The following LINGO1 variants were observed in gnomAD, a reference collection of about 807,000 sequenced individuals.
LINGO1 encodes the protein leucine rich repeat and Ig domain containing 1, also known as leucine-rich repeat and immunoglobulin-like domain-containing nogo receptor-interacting protein 1.
A neutral mutation model predicts 37.3 loss-of-function variants in LINGO1; 11 were observed. That is an observed-to-expected ratio of 0.29 (90% CI 0.19 to 0.49). LINGO1 has a LOEUF of 0.49. Among genes scored for constraint, LINGO1 ranks in the 20% least tolerant of loss-of-function variants. The pLI is 0.99. For missense variants in LINGO1, 585 were observed against 878.2 expected (o/e 0.67, Z 4.22); for synonymous variants, 387 against 403.0 (o/e 0.96, Z 0.48).
At chr15:77,742,507 G>C (rs2076274389) in intron 1 of LINGO1, among the ~76,000 whole-genome samples, 1 of 152,228 alleles carries the variant, frequency 6.6e-6, no homozygotes, top group African/African-American at 2.4e-5. Context: ...AAGGCACACA[G>C]CCAGCACCTG....
In LINGO1 at chr15:77,657,768, G is replaced by A. The variant is rs191527926; in HGVS notation, c.-13+19321C>T. Reference sequence around the variant, plus strand: ...TTAGGGGGGCAGGGAGTAGAGATTCGGGAACAGATGGACTTGGAGGCTCCG... The same window carrying A: ...TTAGGGGGGCAGGGAGTAGAGATTCAGGAACAGATGGACTTGGAGGCTCCG... On this transcript the variant is annotated intron_variant, in intron 3 of 3. Transcript: ENST00000559893. Among the ~76,000 whole-genome samples, 390 of 152,274 alleles carry A rather than the reference G, an allele frequency of 2.6e-3. 4 individuals carry two copies. The highest frequency in any genetic ancestry group is 8.8e-3 in the African/African-American group (364 of 41,566).
intron 2 of LINGO1, among the ~76,000 whole-genome samples, chr15:77,716,051 C>CAGCT (rs1438919043): frequency 1.3e-5 from 2 of 152,212 alleles, no homozygotes; most frequent in Non-Finnish European, 2.9e-5. Flanking sequence ...AACAGGCGAC[C>CAGCT]AGCTCATTCA....
chr15:77,629,616 T>C (rs2074194233), intron 1 of LINGO1, among the ~76,000 whole-genome samples: 1 of 152,172 alleles, frequency 6.6e-6, no homozygotes, highest in African/African-American at 2.4e-5. Flanking sequence ...TTTGACATCA[T>C]CTAGCTCTGT....
At chr15:77,722,824 T>C (rs2076063759) in intron 2 of LINGO1, among the ~76,000 whole-genome samples, 1 of 152,110 alleles carries the variant, frequency 6.6e-6, no homozygotes, top group African/African-American at 2.4e-5. Flanking sequence ...TTGAGAACCA[T>C]CACAAGGGCA....
At chr15:77,806,941 C>A (rs2076965013) in intron 1 of LINGO1, among the ~76,000 whole-genome samples, 1 of 152,120 alleles carries the variant, frequency 6.6e-6, no homozygotes, top group Non-Finnish European at 1.5e-5. Context: ...TTCCAGGGCT[C>A]CCCGTTACCT....
At chr15:77,711,884 G>GA (rs374448190) in intron 2 of LINGO1, among the ~76,000 whole-genome samples, 2 of 70,378 alleles carry the variant, frequency 2.8e-5, no homozygotes, top group South Asian at 7.4e-4. Context: ...TCTCCTCTGA[G>GA]GGGGGGGCAC....
chr15:77,710,136 A>AG lies in LINGO1; in HGVS notation c.-194-19236dup, dbSNP rs1362333684. Among the ~76,000 whole-genome samples, 8 of 152,276 alleles carry AG rather than the reference A, an allele frequency of 5.3e-5. No individual in the cohort carries two copies. The South Asian group carries it at 1.5e-3, about 28-fold the overall frequency. The stretch of plus-strand genomic sequence containing the variant: ...GCTCCTTCCAGGCCTCTGGAACCCC[A>AG]GGGGGGCAGGGGCTGCCGTGGGCTG... On this transcript the variant is annotated intron_variant, in intron 2 of 3. Coordinates refer to the LINGO1 transcript ENST00000561686.
chr15:77,751,912 CCT>C (rs1018633700), intron 1 of LINGO1, among the ~76,000 whole-genome samples: 28 of 152,218 alleles, frequency 1.8e-4, no homozygotes, highest in Non-Finnish European at 2.4e-4. Flanking sequence ...CCAAGTCCCC[CCT>C]GTGTGCCAGG....
At chr15:77,790,695 C>T (rs563836054), upstream of LINGO1, among the ~76,000 whole-genome samples, 7 of 152,296 alleles carry the variant, frequency 4.6e-5, no homozygotes, top group South Asian at 1.2e-3. Context: ...CTGGGCCCCC[C>T]GCTGGGTTTG....
chr15:77,617,069 T>C (rs1321528355), intron 1 of LINGO1, among the ~76,000 whole-genome samples: 1 of 152,068 alleles, frequency 6.6e-6, no homozygotes, highest in Admixed American at 6.5e-5. Flanking sequence ...CACCGAGGCT[T>C]GTTCAAGCTG....
chr15:77,701,726 C>G (rs1378929371), intron 2 of LINGO1, among the ~76,000 whole-genome samples: 5 of 152,194 alleles, frequency 3.3e-5, no homozygotes, highest in African/African-American at 1.2e-4. Context: ...CCCTCACTTC[C>G]TTTCTCTTGT....
chr15:77,701,330 C>CTGAGGAGA (rs367978929), upstream of LINGO1, among the ~76,000 whole-genome samples: 1 of 152,118 alleles, frequency 6.6e-6, no homozygotes, highest in Non-Finnish European at 1.5e-5. Flanking sequence ...GTCTGGCAGC[C>CTGAGGAGA]TGAGGAGATG....
At chr15:77,632,957 G>A (rs146390292), upstream of LINGO1, among the ~76,000 whole-genome samples, 1 of 151,000 alleles carries the variant, frequency 6.6e-6, no homozygotes, top group South Asian at 2.1e-4. This position sits in a 1 kb window ranked among gnomAD's most constrained non-coding sequence, Gnocchi z 6.0. Flanking sequence ...AGGAGGGAGC[G>A]AGTGAGCCGC....
chr15:77,749,166 C>T (rs972265017), intron 1 of LINGO1, among the ~76,000 whole-genome samples: 5 of 152,152 alleles, frequency 3.3e-5, no homozygotes, highest in Non-Finnish European at 7.4e-5. Context: ...CCTCGGCCTC[C>T]CAAAGTGCTG....
chr15:77,617,346 A>C (rs1400202348), intron 1 of LINGO1, among the ~76,000 whole-genome samples: 1 of 151,720 alleles, frequency 6.6e-6, no homozygotes, highest in African/African-American at 2.4e-5. Flanking sequence ...GGGGGAGGGT[A>C]GGTCAGACCC....
At chr15:77,774,212 G>C (rs1376572962) in intron 1 of LINGO1, among the ~76,000 whole-genome samples, 3 of 152,064 alleles carry the variant, frequency 2.0e-5, no homozygotes, top group African/African-American at 7.3e-5. Flanking sequence ...AGTTAACTCA[G>C]ATCCACAGGT....
chr15:77,731,214 A>T (rs2076152054), intron 2 of LINGO1, among the ~76,000 whole-genome samples: 1 of 152,156 alleles, frequency 6.6e-6, no homozygotes, highest in Admixed American at 6.5e-5. Context: ...CCCAGACACC[A>T]GGCTCCAATG....
intron 1 of LINGO1, among the ~76,000 whole-genome samples, chr15:77,692,609 T>C (rs1229620318): frequency 1.3e-5 from 2 of 152,180 alleles, no homozygotes; most frequent in Non-Finnish European, 2.9e-5. Flanking sequence ...GTAATACACC[T>C]CCCAGCAGCA....
intron 1 of LINGO1, among the ~76,000 whole-genome samples, chr15:77,736,173 A>T (rs1379737381): frequency 6.6e-6 from 1 of 152,236 alleles, no homozygotes; most frequent in East Asian, 1.9e-4. Flanking sequence ...GCATTTGTAC[A>T]CATGTGCAAA....
Sources: allele counts gnomAD v4.1 joint callset (sites outside exome capture counted in the v4.1 genomes callset), GRCh38; gene constraint gnomAD v4.1.1; non-coding constraint Gnocchi (gnomAD v3.1); transcripts MANE v1.5; gene names NCBI Gene and HGNC (gene_info 2026-07-23, HGNC 2026-07-21).